The following SHISA9 variants were observed in gnomAD, a reference collection of about 807,000 sequenced individuals.
The protein encoded by SHISA9 is shisa family member 9, also known as protein shisa-9.
In SHISA9, 13 loss-of-function variants were observed where a neutral mutation model predicts 38.0. That is an observed-to-expected ratio of 0.34 (90% CI 0.22 to 0.54). SHISA9 has a LOEUF of 0.54. SHISA9 is among the 20% of genes least tolerant of loss of function. The pLI is 0.91. For missense variants in SHISA9, 538 were observed against 575.8 expected, an observed-to-expected ratio of 0.93 and a Z score of 0.67; for synonymous variants, 275 against 242.0, an observed-to-expected ratio of 1.14 and a Z score of -1.27.
chr16:13,278,645 G>A, the SHISA9 span, among the ~76,000 whole-genome samples: 1 of 151,886 alleles, frequency 6.6e-6, no homozygotes, highest in Non-Finnish European at 1.5e-5. Context: ...TAAGCTAGGA[G>A]GGTTGTATTT....
intron 2 of SHISA9, among the ~76,000 whole-genome samples, chr16:13,103,235 A>G (rs971433391): frequency 6.6e-6 from 1 of 152,060 alleles, no homozygotes; most frequent in Non-Finnish European, 1.5e-5. Flanking sequence ...GGAACTTCAC[A>G]CCCCAGAGTT....
chr16:12,905,993 C>T (rs1349899040), intron 1 of SHISA9, among the ~76,000 whole-genome samples: 1 of 152,226 alleles, frequency 6.6e-6, no homozygotes, highest in Non-Finnish European at 1.5e-5. Flanking sequence ...TCCTGGGCTG[C>T]TTACGCAGTT....
chr16:12,979,661 G>A (rs933783604), intron 2 of SHISA9, among the ~76,000 whole-genome samples: 3 of 151,938 alleles, frequency 2.0e-5, no homozygotes, highest in Admixed American at 1.3e-4. Context: ...TTATCCTTTG[G>A]AATTTTCTTT....
chr16:13,435,462 A>G, the SHISA9 span, among the ~76,000 whole-genome samples: 1 of 152,242 alleles, frequency 6.6e-6, no homozygotes, highest in Non-Finnish European at 1.5e-5. Context: ...TTGGTGGAAA[A>G]TGACACTTGT....
At chr16:13,206,595 G>A (rs2051066189) in intron 3 of SHISA9, among the ~76,000 whole-genome samples, 1 of 152,220 alleles carries the variant, frequency 6.6e-6, no homozygotes, top group African/African-American at 2.4e-5. Flanking sequence ...GGGAATTCAT[G>A]TTCCCTGATC....
At chr16:12,939,814 CA>C (rs2071585387) in intron 2 of SHISA9, among the ~76,000 whole-genome samples, 1 of 152,194 alleles carries the variant, frequency 6.6e-6, no homozygotes. Context: ...AGATTCTCTG[CA>C]AGTGCTTGTT....
the SHISA9 span, among the ~76,000 whole-genome samples, chr16:13,276,901 A>G: frequency 6.6e-6 from 1 of 152,064 alleles, no homozygotes; most frequent in Non-Finnish European, 1.5e-5. Context: ...TTTACCATGC[A>G]AAAGCTCTTC....
intron 4 of SHISA9, among the ~76,000 whole-genome samples, chr16:13,217,946 C>T (rs1472896655): frequency 1.7e-4 from 24 of 138,242 alleles, no homozygotes; most frequent in Non-Finnish European, 4.7e-5. Flanking sequence ...AAGAGAATGG[C>T]TTGAAACGTG....
chr16:13,381,577 T>G, the SHISA9 span, among the ~76,000 whole-genome samples: 237 of 152,356 alleles, frequency 1.6e-3, no homozygotes, highest in Non-Finnish European at 2.6e-3. Flanking sequence ...ATTTGAGATG[T>G]AAATTTATTG....
the SHISA9 span, among the ~76,000 whole-genome samples, chr16:13,294,293 T>A: frequency 6.6e-6 from 1 of 152,180 alleles, no homozygotes; most frequent in Non-Finnish European, 1.5e-5. Flanking sequence ...CCAGGATGGG[T>A]TCAGCACATC....
chr16:13,073,957 G>A (rs892209531), intron 2 of SHISA9, among the ~76,000 whole-genome samples: 1 of 103,858 alleles, frequency 9.6e-6, no homozygotes, highest in Non-Finnish European at 2.1e-5. Flanking sequence ...TCTGCTGGTC[G>A]TTTTTTTTTT....
At chr16:12,944,517 A>G (rs1228549974) in intron 2 of SHISA9, among the ~76,000 whole-genome samples, 4 of 152,142 alleles carry the variant, frequency 2.6e-5, no homozygotes, top group Non-Finnish European at 5.9e-5. Context: ...TTTGAACTAA[A>G]AGTCACTGGT....
At chr16:13,378,217 G>A in the SHISA9 span, among the ~76,000 whole-genome samples, 2 of 152,170 alleles carry the variant, frequency 1.3e-5, no homozygotes, top group Non-Finnish European at 2.9e-5. Flanking sequence ...AATGGTTCAG[G>A]GATTGCTCCA....
At chr16:12,988,686 C>G (rs570611881) in intron 2 of SHISA9, among the ~76,000 whole-genome samples, 2 of 151,846 alleles carry the variant, frequency 1.3e-5, no homozygotes, top group African/African-American at 2.4e-5. Flanking sequence ...CAACCATGCC[C>G]GACTATTTTC....
the SHISA9 span, among the ~76,000 whole-genome samples, chr16:13,358,284 T>G: frequency 6.6e-6 from 1 of 152,172 alleles, no homozygotes; most frequent in Non-Finnish European, 1.5e-5. Flanking sequence ...ATATTTGACA[T>G]CTGGGTTTTG....
At chr16:12,922,848 T>G (rs564246200) in intron 2 of SHISA9, among the ~76,000 whole-genome samples, 61 of 152,222 alleles carry the variant, frequency 4.0e-4, no homozygotes, top group African/African-American at 1.4e-3. Context: ...TTTTGTTCTC[T>G]TGGAAGTTGT....
At chr16:13,444,592 C>G in the SHISA9 span, among the ~76,000 whole-genome samples, 31 of 152,170 alleles carry the variant, frequency 2.0e-4, no homozygotes, top group African/African-American at 7.2e-4. Flanking sequence ...TTGTCTCTCA[C>G]TATGTGTGAG....
the SHISA9 span, among the ~76,000 whole-genome samples, chr16:13,283,850 C>G: frequency 2.0e-5 from 3 of 152,240 alleles, no homozygotes; most frequent in East Asian, 5.8e-4. Context: ...TCTCGGCACT[C>G]TTTTTCCTTC....
the SHISA9 span, among the ~76,000 whole-genome samples, chr16:13,548,464 A>G: frequency 6.6e-6 from 1 of 152,230 alleles, no homozygotes; most frequent in East Asian, 1.9e-4. Context: ...TGCATCTGAC[A>G]AGAGGTTAAT....
Sources: allele counts gnomAD v4.1 joint callset (sites outside exome capture counted in the v4.1 genomes callset), GRCh38; gene constraint gnomAD v4.1.1; transcripts MANE v1.5; gene names NCBI Gene and HGNC (gene_info 2026-07-23, HGNC 2026-07-21).